The following CCT8 variants were observed in gnomAD, a reference collection of about 807,000 sequenced individuals.
CCT8 encodes the protein chaperonin containing TCP1 subunit 8.
Under a neutral mutation model 65.7 loss-of-function variants are expected in CCT8, and 10 were observed. That is an observed-to-expected ratio of 0.15 (90% CI 0.09 to 0.26). CCT8 has a LOEUF of 0.26. Ranked by LOEUF, CCT8 falls within the 10% of genes least tolerant of loss-of-function variation. The probability of loss-of-function intolerance (pLI) is 1.00; values close to 1 mark genes in which losing one functional copy is unlikely to be tolerated. For missense variants in CCT8, 568 were observed against 669.1 expected (o/e 0.85, Z 1.67); for synonymous variants, 199 against 221.8 (o/e 0.90, Z 0.92).
intron 1 of CCT8, among the ~76,000 whole-genome samples, chr21:29,071,284 C>A (rs959059520): frequency 3.3e-5 from 5 of 152,220 alleles, no homozygotes; most frequent in Non-Finnish European, 7.3e-5. Context: ...CTGGACAGCG[C>A]TGATACAGCG....
rs1401536256 is a variant in CCT8 at position 29,070,289 on chromosome 21, T to C, written c.109A>G (p.Lys37Glu). Residue 37 changes from lysine to glutamate, a missense_variant, in exon 2 of 15, where the codon AAG becomes GAG. Transcript: ENST00000286788. ...EAVYRNIQAC[K>E]ELAQTTRTAY... ...GTACGAGTGGTTTGGGCAAGCTCCT[T>C]GCAAGCTTGTATGTTTCTATACACA... 2.5e-6 allele frequency: 4 copies of C among 1,612,538 alleles called. No homozygotes were observed. The highest frequency in any genetic ancestry group is 3.4e-6 in the Non-Finnish European group (4 of 1,179,290).
At chr21:29,067,917 A>T (rs1300998459) in intron 3 of CCT8, among the ~76,000 whole-genome samples, 1 of 152,260 alleles carries the variant, frequency 6.6e-6, no homozygotes, top group Non-Finnish European at 1.5e-5. Context: ...CACTATAAAT[A>T]AGAATTTCAA....
At chr21:29,067,167 A>G in intron 4 of CCT8, 96 bp from the exon 5 acceptor site, 1 of 852,144 alleles carries the variant, frequency 1.2e-6, no homozygotes, top group South Asian at 1.9e-5. Flanking sequence ...ATACAAAATG[A>G]CAAAGAATAT....
At position 29,062,426 on chromosome 21, in the gene CCT8, G is replaced by A. The variant is rs571770028; in HGVS notation, c.1009-11C>T. 6.2e-7 allele frequency: 1 copy of A among 1,612,298 alleles called. No homozygotes were observed. The highest frequency in any genetic ancestry group is 1.3e-5 in the African/African-American group (1 of 74,994). On this transcript the variant is annotated splice_polypyrimidine_tract_variant and intron_variant, in intron 9 of 14. Coordinates refer to ENST00000286788, the MANE Select transcript of CCT8 (RefSeq NM_006585.4). ...AAGGACAGGAGGTGTCTGTAAGAAA[G>A]TGACTGTTGTAATAAAAATTCCATC...
In CCT8 at chr21:29,070,292, A is replaced by C. The variant is rs1386990108; in HGVS notation, c.106T>G (p.Cys36Gly). The C allele has an allele frequency of 6.2e-7, 1 of 1,612,624 alleles. No homozygotes were observed. Among genetic ancestry groups the C allele is most frequent in the Non-Finnish European group, 8.5e-7 (1 of 1,179,306 alleles). ...CGAGTGGTTTGGGCAAGCTCCTTGCAAGCTTGTATGTTTCTATACACAGCC... is the reference window on the plus strand; with the variant it reads ...CGAGTGGTTTGGGCAAGCTCCTTGCCAGCTTGTATGTTTCTATACACAGCC... ...EEAVYRNIQA[C>G]KELAQTTRTA... The change falls in exon 2 of 15, where the codon TGC becomes GGC. Residue 36 changes from cysteine (C) to glycine (G), a missense_variant. By Grantham distance (159) the Cys-to-Gly change is radical. Transcript: ENST00000286788.
intron 7 of CCT8, among the ~76,000 whole-genome samples, chr21:29,064,746 CT>C (rs2085602870): frequency 6.6e-6 from 1 of 152,126 alleles, no homozygotes; most frequent in Non-Finnish European, 1.5e-5. Context: ...ACTAGAAGGG[CT>C]GTGTGTCAGA....
intron 1 of CCT8, 62 bp from the exon 2 acceptor site, chr21:29,070,399 A>G: frequency 1.0e-6 from 1 of 979,416 alleles, no homozygotes; most frequent in East Asian, 2.5e-5. Flanking sequence ...CAAAAATTTC[A>G]AATACAAGAT....
intron 13 of CCT8, 105 bp downstream of exon 13, chr21:29,061,148 A>T: frequency 1.1e-6 from 1 of 935,664 alleles, no homozygotes; most frequent in Middle Eastern, 2.2e-4. Flanking sequence ...ATCTGCTCCC[A>T]AATCAGAACA....
chr21:29,063,697 A>G (rs1054785787), intron 7 of CCT8, among the ~76,000 whole-genome samples, 167 bp from the exon 8 acceptor site: 3 of 152,246 alleles, frequency 2.0e-5, no homozygotes, highest in Non-Finnish European at 4.4e-5. Flanking sequence ...ATAGAAACTC[A>G]GCTTGCTTCT....
intron 2 of CCT8, 143 bp from the exon 3 acceptor site, chr21:29,069,645 T>C: frequency 1.9e-6 from 1 of 520,686 alleles, no homozygotes; most frequent in Non-Finnish European, 3.4e-6. Flanking sequence ...CTATCTATTC[T>C]TCAAGTTTAT....
intron 6 of CCT8, 65 bp from the exon 7 acceptor site, chr21:29,065,170 A>G: frequency 6.6e-7 from 1 of 1,510,714 alleles, no homozygotes; most frequent in East Asian, 2.3e-5. Flanking sequence ...CAAACTGTTG[A>G]TTCTCCATAT....
chr21:29,063,563 C>T (rs543161940), intron 7 of CCT8, 33 bp from the exon 8 acceptor site: 1 of 1,599,170 alleles, frequency 6.3e-7, no homozygotes, highest in Non-Finnish European at 8.5e-7. Flanking sequence ...CCTTTAAAAT[C>T]ATTTCACTAC....
chr21:29,071,844 G>A, intron 1 of CCT8: 1 of 674,342 alleles, frequency 1.5e-6, no homozygotes, highest in Non-Finnish European at 2.7e-6. Flanking sequence ...CCATACTTAA[G>A]ACCCTTCAAT....
intron 14 of CCT8, among the ~76,000 whole-genome samples, chr21:29,057,857 A>C (rs550432526): frequency 6.6e-6 from 1 of 151,422 alleles, no homozygotes; most frequent in Admixed American, 6.6e-5. Context: ...GATATATATG[A>C]TATATATCTC....
At chr21:29,060,340 G>GGCTAAA (rs1442223300) in intron 14 of CCT8, among the ~76,000 whole-genome samples, 2 of 152,060 alleles carry the variant, frequency 1.3e-5, no homozygotes, top group East Asian at 3.9e-4. Context: ...TGGGTTCTAA[G>GGCTAAA]GCTAAAAGGT....
chr21:29,057,557 G>A (rs2085511923), intron 14 of CCT8, among the ~76,000 whole-genome samples: 3 of 86,794 alleles, frequency 3.5e-5, no homozygotes, highest in Non-Finnish European at 1.1e-4. Flanking sequence ...TTTGAGGCCA[G>A]GAGTTTGAGA....
At chr21:29,064,409 T>TAAAAAAAAAAA (rs34760776) in intron 7 of CCT8, among the ~76,000 whole-genome samples, 19 of 26,718 alleles carry the variant, frequency 7.1e-4, no homozygotes, top group East Asian at 1.4e-3. Flanking sequence ...AGCAAGACTC[T>TAAAAAAAAAAA]AAAAAAAAAA....
At chr21:29,061,149 A>G (rs761273069) in intron 13 of CCT8, 104 bp downstream of exon 13, 23 of 949,194 alleles carry the variant, frequency 2.4e-5, no homozygotes, top group Non-Finnish European at 3.4e-5. Context: ...TCTGCTCCCA[A>G]ATCAGAACAC....
intron 2 of CCT8, 87 bp downstream of exon 2, chr21:29,070,160 C>A (rs2183570): frequency 1.4e-6 from 1 of 729,568 alleles, no homozygotes; most frequent in Admixed American, 3.2e-5. Context: ...GAAGTCATAC[C>A]ATAACATCCT....
Sources: allele counts gnomAD v4.1 joint callset (sites outside exome capture counted in the v4.1 genomes callset), GRCh38; gene constraint gnomAD v4.1.1; transcripts MANE v1.5; gene names NCBI Gene and HGNC (gene_info 2026-07-23, HGNC 2026-07-21).